CSMD3: variants seen among roughly 807,000 people sequenced by gnomAD.
CSMD3 encodes CUB and sushi domain-containing protein 3.
A neutral mutation model predicts 435.2 loss-of-function variants in CSMD3; 177 were observed. That is an observed-to-expected ratio of 0.41 (90% CI 0.36 to 0.46). The LOEUF (loss-of-function observed/expected upper bound fraction) is 0.46. Among genes scored for constraint, CSMD3 ranks in the 20% least tolerant of loss-of-function variants. The pLI is 0.34. For missense variants in CSMD3, 4,265 were observed against 4,504.6 expected (o/e 0.95, Z 1.52); for synonymous variants, 1,656 against 1,520.5 (o/e 1.09, Z -2.07).
chr8:112,408,851 C>T, intron 33 of CSMD3, 68 bp downstream of exon 33: 1 of 1,607,328 alleles, frequency 6.2e-7, no homozygotes, highest in East Asian at 2.2e-5. Context: ...TCTCAACTTT[C>T]ACTACAATAC....
chr8:112,446,236 C>T (rs1815594144), intron 32 of CSMD3, among the ~76,000 whole-genome samples: 1 of 152,104 alleles, frequency 6.6e-6, no homozygotes, highest in Non-Finnish European at 1.5e-5. Context: ...GATTGCATGC[C>T]CAGTGACAAA....
chr8:112,533,547 C>A (rs1825746173), intron 27 of CSMD3, among the ~76,000 whole-genome samples: 1 of 151,828 alleles, frequency 6.6e-6, no homozygotes, highest in Admixed American at 6.6e-5. Flanking sequence ...ATGAAGGGGT[C>A]CATTTATCAA....
chr8:112,940,541 G>C (rs80317732), intron 9 of CSMD3, among the ~76,000 whole-genome samples: 5,118 of 151,684 alleles, frequency 0.034, 149 homozygotes, highest in Middle Eastern at 0.051. Context: ...TTATTTTTCA[G>C]CATAGAAAAT....
chr8:112,461,675 G>A (rs950766159), intron 32 of CSMD3, among the ~76,000 whole-genome samples: 1 of 152,074 alleles, frequency 6.6e-6, no homozygotes, highest in Non-Finnish European at 1.5e-5. Flanking sequence ...AATGATAAGA[G>A]TGAGAAAGTT....
At chr8:112,386,987 T>A (rs757614810) in intron 36 of CSMD3, among the ~76,000 whole-genome samples, 2 of 152,222 alleles carry the variant, frequency 1.3e-5, no homozygotes, top group Non-Finnish European at 2.9e-5. Flanking sequence ...ACGATAATCA[T>A]GCTGTAAATT....
At chr8:113,245,901 T>G (rs1322494092) in intron 3 of CSMD3, among the ~76,000 whole-genome samples, 1 of 152,042 alleles carries the variant, frequency 6.6e-6, no homozygotes, top group East Asian at 1.9e-4. Context: ...CTACTATAAA[T>G]TCTTGGTTGA....
At chr8:112,483,635 G>C (rs1439564164) in intron 31 of CSMD3, among the ~76,000 whole-genome samples, 1 of 152,178 alleles carries the variant, frequency 6.6e-6, no homozygotes, top group Non-Finnish European at 1.5e-5. Flanking sequence ...TTAGGAAAAT[G>C]AATTAGGGAA....
At chr8:112,734,514 A>T (rs958341290) in intron 13 of CSMD3, among the ~76,000 whole-genome samples, 2 of 152,090 alleles carry the variant, frequency 1.3e-5, no homozygotes, top group South Asian at 4.1e-4. Flanking sequence ...TTACACATCA[A>T]TTTTTTGTGA....
intron 3 of CSMD3, among the ~76,000 whole-genome samples, chr8:113,233,154 GC>G (rs2093108272): frequency 6.6e-6 from 1 of 151,630 alleles, no homozygotes; most frequent in East Asian, 1.9e-4. Context: ...ATTAATCAAT[GC>G]TAAGGTTTGA....
chr8:112,282,231 CGT>C (rs145604094), intron 58 of CSMD3, among the ~76,000 whole-genome samples: 25 of 148,584 alleles, frequency 1.7e-4, no homozygotes, highest in East Asian at 5.9e-4. Context: ...GTATAACTGC[CGT>C]GTGTGTGTGT....
At chr8:112,516,001 T>C (rs1178879109) in intron 28 of CSMD3, among the ~76,000 whole-genome samples, 1 of 151,934 alleles carries the variant, frequency 6.6e-6, no homozygotes, top group Non-Finnish European at 1.5e-5. Flanking sequence ...TGTGTGGGAG[T>C]TACAAGATGG....
chr8:113,238,811 A>G (rs998548133), intron 3 of CSMD3, among the ~76,000 whole-genome samples: 1 of 152,120 alleles, frequency 6.6e-6, no homozygotes, highest in Non-Finnish European at 1.5e-5. Context: ...TCTGGCACTT[A>G]TAGGATAGGG....
At chr8:112,961,136 C>T (rs536001836) in intron 7 of CSMD3, among the ~76,000 whole-genome samples, 1 of 151,608 alleles carries the variant, frequency 6.6e-6, no homozygotes, top group African/African-American at 2.4e-5. Flanking sequence ...GTTATTTGTA[C>T]TAATATTATT....
At chr8:113,348,870 C>A (rs1014625750) in intron 1 of CSMD3, among the ~76,000 whole-genome samples, 1 of 151,948 alleles carries the variant, frequency 6.6e-6, no homozygotes, top group Admixed American at 6.6e-5. Flanking sequence ...TAGACCTTTA[C>A]ACAATATGCA....
chr8:112,872,601 T>G (rs2081167276), intron 10 of CSMD3, among the ~76,000 whole-genome samples: 1 of 151,988 alleles, frequency 6.6e-6, no homozygotes, highest in Non-Finnish European at 1.5e-5. Context: ...AAATTTATCT[T>G]AGCCACGAAA....
chr8:113,265,411 G>A (rs2093461465), intron 3 of CSMD3, among the ~76,000 whole-genome samples: 1 of 151,550 alleles, frequency 6.6e-6, no homozygotes, highest in Non-Finnish European at 1.5e-5. Context: ...ATAAATTGAA[G>A]TAAACCCTGG....
rs1322902668 is a variant in CSMD3, at chr8:112,954,700, G to A, written c.1404C>T (p.Ser468=). 19 of 1,600,192 alleles carry A rather than the reference G, an allele frequency of 1.2e-5. No individual in the cohort carries two copies. The highest frequency in any genetic ancestry group is 1.6e-5 in the Non-Finnish European group (19 of 1,168,588). The change falls in exon 8 of 71, where the codon AGC becomes AGT. Residue 468 remains serine (S), a synonymous_variant. Coordinates refer to ENST00000297405, the MANE Select transcript of CSMD3 (RefSeq NM_198123.2). ...TACACTCACAGATAGAAAACTTGTT[G>A]CTGTTGTCTTTCCCTGGAAACAATT... The part of the protein sequence containing the change: ...GFKLFPGKDN[S]NKFSILNEGG...
chr8:113,278,391 G>T (rs1436256309), intron 3 of CSMD3, among the ~76,000 whole-genome samples: 1 of 151,618 alleles, frequency 6.6e-6, no homozygotes, highest in Non-Finnish European at 1.5e-5. Flanking sequence ...CAATTTAATG[G>T]TCTCACATAG....
rs1001080953 is a variant in CSMD3 at position 113,265,660 on chromosome 8, T to C, written c.514+12932A>G. Among the ~76,000 whole-genome samples the C allele has an allele frequency of 2.0e-5, 3 of 151,770 alleles. No individual in the cohort carries two copies. In the East Asian group the frequency reaches 5.8e-4, roughly 29 times the overall value. On this transcript the variant is annotated intron_variant, in intron 3 of 70. Transcript: ENST00000297405. ...TATCTAGCCGAATCTGAATATTCATTGTAAGTTTCTTTATTTTGAAGATTA... is the reference window on the plus strand; with the variant it reads ...TATCTAGCCGAATCTGAATATTCATCGTAAGTTTCTTTATTTTGAAGATTA...
Sources: gnomAD v4.1 joint callset for allele counts (sites outside exome capture counted in the v4.1 genomes callset) on GRCh38, gnomAD v4.1.1 for gene constraint, MANE v1.5 for transcripts, NCBI Gene and HGNC (gene_info 2026-07-23, HGNC 2026-07-21) for gene names.